AUTS2: variants seen among roughly 807,000 people sequenced by gnomAD.
AUTS2 encodes activator of transcription and developmental regulator AUTS2.
AUTS2 carries 17 observed loss-of-function variants against 112.4 expected under a neutral mutation model. The ratio of observed to expected loss-of-function variants is 0.15; its 90% CI spans 0.10 to 0.23. The LOEUF (loss-of-function observed/expected upper bound fraction) is 0.23. Ranked by LOEUF, AUTS2 falls within the 10% of genes least tolerant of loss-of-function variation. AUTS2 has a pLI of 1.00. For missense variants in AUTS2, 1,510 were observed against 1,701.6 expected (o/e 0.89, Z 1.98); for synonymous variants, 751 against 702.7 (o/e 1.07, Z -1.09).
chr7:70,296,300 A>G (rs1048678021), intron 4 of AUTS2, among the ~76,000 whole-genome samples: 2 of 152,260 alleles, frequency 1.3e-5, no homozygotes, highest in African/African-American at 4.8e-5. Context: ...ACTTGAGCAC[A>G]TAGATATCAT....
chr7:70,318,449 C>T lies in AUTS2; in HGVS notation c.661-117303C>T, dbSNP rs544002174. On this transcript the variant is annotated intron_variant, in intron 4 of 18. Coordinates refer to ENST00000342771, the MANE Select transcript of AUTS2 (RefSeq NM_015570.4). The stretch of plus-strand genomic sequence containing the variant: ...TTGTTAGGAAAGTTTCACAGTATAG[C>T]GGCCCACCGATAACCTTAAGAACCT... Among the ~76,000 whole-genome samples the T allele has an allele frequency of 6.6e-5, 10 of 152,024 alleles. No homozygotes were observed. In the East Asian group the frequency reaches 9.7e-4, roughly 15 times the overall value.
intron 5 of AUTS2, among the ~76,000 whole-genome samples, chr7:70,521,168 G>C (rs1181960834): frequency 6.6e-6 from 1 of 152,138 alleles, no homozygotes; most frequent in Non-Finnish European, 1.5e-5. Flanking sequence ...GGAGAAAAAA[G>C]ACCCCAGGCT....
intron 4 of AUTS2, among the ~76,000 whole-genome samples, chr7:70,265,072 G>T (rs1042686798): frequency 1.7e-4 from 26 of 152,152 alleles, no homozygotes; most frequent in Admixed American, 1.6e-3. Context: ...TAGGATTAAT[G>T]ATTTGTTTCT....
chr7:69,666,609 C>G (rs1346986136), intron 1 of AUTS2, among the ~76,000 whole-genome samples: 1 of 152,110 alleles, frequency 6.6e-6, no homozygotes, highest in Non-Finnish European at 1.5e-5. Context: ...GCGTATGGTT[C>G]CTGTCCTGTA....
chr7:70,452,810 G>A (rs1450951714), intron 5 of AUTS2, among the ~76,000 whole-genome samples: 1 of 152,100 alleles, frequency 6.6e-6, no homozygotes, highest in African/African-American at 2.4e-5. Flanking sequence ...CACAGGCGGT[G>A]GGCCCCCAAG....
intron 4 of AUTS2, among the ~76,000 whole-genome samples, chr7:70,370,636 TACAA>T (rs1461407753): frequency 6.6e-6 from 1 of 152,240 alleles, no homozygotes; most frequent in Non-Finnish European, 1.5e-5. Flanking sequence ...AAAATGCTGT[TACAA>T]ACATTCATGT....
chr7:70,254,352 G>A (rs1786749321), intron 4 of AUTS2, among the ~76,000 whole-genome samples: 1 of 152,088 alleles, frequency 6.6e-6, no homozygotes, highest in African/African-American at 2.4e-5. Flanking sequence ...TTCAAACATA[G>A]ATTATATTAT....
At chr7:70,324,147 G>A (rs764048102) in intron 4 of AUTS2, among the ~76,000 whole-genome samples, 1 of 152,184 alleles carries the variant, frequency 6.6e-6, no homozygotes. Context: ...GATGATGATA[G>A]CAGATGTGAA....
intron 2 of AUTS2, among the ~76,000 whole-genome samples, chr7:69,911,169 G>T (rs1026569314): frequency 3.3e-5 from 5 of 152,208 alleles, no homozygotes; most frequent in Non-Finnish European, 7.3e-5. Context: ...CGGCAGGGTG[G>T]GCAGCCCCAG....
chr7:70,370,248 A>G (rs1355176121), intron 4 of AUTS2, among the ~76,000 whole-genome samples: 5 of 152,212 alleles, frequency 3.3e-5, no homozygotes, highest in African/African-American at 1.2e-4. Context: ...TTGTGCATTC[A>G]TCACCATAAT....
At chr7:69,778,094 T>A (rs1015704525) in intron 1 of AUTS2, among the ~76,000 whole-genome samples, 1 of 152,108 alleles carries the variant, frequency 6.6e-6, no homozygotes, top group Non-Finnish European at 1.5e-5. Flanking sequence ...AGGTAAAATG[T>A]AAATGCCTTA....
chr7:70,366,292 T>C (rs949082529), intron 4 of AUTS2, among the ~76,000 whole-genome samples: 3 of 151,962 alleles, frequency 2.0e-5, no homozygotes, highest in Non-Finnish European at 4.4e-5. Flanking sequence ...ATGAACAAAA[T>C]TGACAAGAGA....
chr7:69,977,876 GC>G (rs943508705), intron 2 of AUTS2, among the ~76,000 whole-genome samples: 6 of 152,080 alleles, frequency 3.9e-5, no homozygotes, highest in African/African-American at 1.4e-4. Flanking sequence ...ATTTTTGGGG[GC>G]CCCCAGGTTT....
chr7:70,134,611 G>A (rs756576869), intron 4 of AUTS2, 40 bp downstream of exon 4: 4 of 1,595,726 alleles, frequency 2.5e-6, no homozygotes, highest in Non-Finnish European at 8.6e-7. Context: ...CCTTGCATTG[G>A]CATTGATTTC....
At chr7:69,714,898 G>A (rs1798526113) in intron 1 of AUTS2, among the ~76,000 whole-genome samples, 1 of 151,882 alleles carries the variant, frequency 6.6e-6, no homozygotes, top group Middle Eastern at 3.4e-3. Flanking sequence ...TCAGTATTCA[G>A]CATACTTTAT....
At chr7:69,751,718 A>T (rs1306488777) in intron 1 of AUTS2, among the ~76,000 whole-genome samples, 2 of 152,234 alleles carry the variant, frequency 1.3e-5, no homozygotes, top group Non-Finnish European at 2.9e-5. Flanking sequence ...GCCAGGTGTC[A>T]TCATGAGGAA....
At chr7:70,676,015 A>G (rs1807892310) in intron 5 of AUTS2, among the ~76,000 whole-genome samples, 1 of 152,224 alleles carries the variant, frequency 6.6e-6, no homozygotes, top group East Asian at 1.9e-4. Flanking sequence ...CATGCTGTAA[A>G]GGTTTCTTTC....
intron 2 of AUTS2, among the ~76,000 whole-genome samples, chr7:70,102,285 A>AT (rs1230048566): frequency 3.3e-5 from 5 of 150,902 alleles, no homozygotes; most frequent in African/African-American, 1.2e-4. Flanking sequence ...CGCCCAGCTA[A>AT]TTTTTTGTAT....
intron 1 of AUTS2, among the ~76,000 whole-genome samples, chr7:69,801,058 T>C (rs531869615): frequency 6.6e-6 from 1 of 152,232 alleles, no homozygotes; most frequent in South Asian, 2.1e-4. Context: ...TCATACTTAC[T>C]GTTATCCCCC....
Sources: gnomAD v4.1 joint callset for allele counts (sites outside exome capture counted in the v4.1 genomes callset) on GRCh38, gnomAD v4.1.1 for gene constraint, MANE v1.5 for transcripts, NCBI Gene and HGNC (gene_info 2026-07-23, HGNC 2026-07-21) for gene names.